The following FKBP1A variants were observed in gnomAD, a reference collection of about 807,000 sequenced individuals.
The protein encoded by FKBP1A is FKBP prolyl isomerase 1A, also known as peptidyl-prolyl cis-trans isomerase FKBP1A.
A neutral mutation model predicts 14.2 loss-of-function variants in FKBP1A; 5 were observed. The observed-to-expected ratio is 0.35, with a 90% CI of 0.18 to 0.74. The LOEUF (loss-of-function observed/expected upper bound fraction) is 0.74, where lower values mean the gene tolerates loss of function less well. FKBP1A is among the 30% of genes least tolerant of loss of function. The probability of loss-of-function intolerance (pLI) is 0.56; values close to 1 mark genes in which losing one functional copy is unlikely to be tolerated. For missense variants in FKBP1A, 53 were observed against 138.8 expected, an observed-to-expected ratio of 0.38 and a Z score of 3.10; for synonymous variants, 42 against 49.1, an observed-to-expected ratio of 0.86 and a Z score of 0.60.
intron 2 of FKBP1A, chr20:1,391,691 C>T: frequency 2.5e-6 from 1 of 398,198 alleles, no homozygotes. Context: ...GGAGCTTATT[C>T]GTGAGCAACT....
chr20:1,375,664 C>T, intron 2 of FKBP1A, 61 bp from the exon 3 acceptor site: 1 of 1,199,478 alleles, frequency 8.3e-7, no homozygotes. Flanking sequence ...AGTCAGAAAC[C>T]AGCAGCAGAG....
intron 2 of FKBP1A, 42 bp downstream of exon 2, chr20:1,392,792 G>A (rs778696019): frequency 3.4e-5 from 50 of 1,449,440 alleles, no homozygotes; most frequent in Non-Finnish European, 1.8e-6. Context: ...CCGGGCTGCG[G>A]ACTGCGGCCC....
chr20:1,392,113 G>A (rs2089744896), intron 2 of FKBP1A, among the ~76,000 whole-genome samples: 1 of 152,216 alleles, frequency 6.6e-6, no homozygotes. Context: ...GACGAGAAAA[G>A]TCTCTACTTC....
At chr20:1,370,425 C>T (rs764089904) in intron 4 of FKBP1A, 27 of 974,590 alleles carry the variant, frequency 2.8e-5, no homozygotes, top group Middle Eastern at 5.2e-4. Flanking sequence ...CTTTAAAAAA[C>T]TCTTAATGCC....
chr20:1,374,446 T>C (rs191855177), intron 3 of FKBP1A: 1 of 152,274 alleles, frequency 6.6e-6, no homozygotes, highest in African/African-American at 2.4e-5. Flanking sequence ...AAATACAAAT[T>C]AAAACCACTG....
intron 2 of FKBP1A, among the ~76,000 whole-genome samples, chr20:1,391,232 G>T (rs1270341502): frequency 3.9e-5 from 6 of 152,080 alleles, no homozygotes; most frequent in Admixed American, 2.0e-4. Flanking sequence ...CTCACGGCTT[G>T]AGTCCCAATC....
chr20:1,374,643 C>T (rs2089513595), intron 3 of FKBP1A: 1 of 152,174 alleles, frequency 6.6e-6, no homozygotes, highest in Admixed American at 6.5e-5. Flanking sequence ...CATCCCACTT[C>T]TGAGAGTAAG....
At chr20:1,370,918 A>G (rs2089455389) in intron 4 of FKBP1A, 2 of 985,508 alleles carry the variant, frequency 2.0e-6, no homozygotes, top group African/African-American at 3.5e-5. Context: ...ATTCCCTCCC[A>G]GTAGCAATGA....
At chr20:1,370,594 TCATTCATTCACTCAACTTA>T in intron 4 of FKBP1A, 1 of 985,386 alleles carries the variant, frequency 1.0e-6, no homozygotes, top group Non-Finnish European at 1.2e-6. Context: ...TCTCCAGTAT[TCATTCATTCACTCAACTTA>T]AAACTTTCTG....
rs375283376 is a variant in FKBP1A, at chr20:1,370,006, A to G, written c.*103T>C. 5.2e-6 allele frequency: 8 copies of G among 1,549,672 alleles called. No individual in the cohort carries two copies. In the African/African-American group the frequency reaches 1.1e-4, roughly 21 times the overall value. On this transcript the variant is annotated 3_prime_UTR_variant, in exon 5 of 5. Coordinates refer to ENST00000400137, the MANE Select transcript of FKBP1A (RefSeq NM_000801.5). ...ATGTCTATACAAAGTGGAGTGGAAC[A>G]TCAGGAAAAGCTCCATATGGATTCA... is the stretch of plus-strand genomic sequence containing the variant.
At chr20:1,384,425 T>A (rs2089648951) in intron 2 of FKBP1A, among the ~76,000 whole-genome samples, 1 of 152,192 alleles carries the variant, frequency 6.6e-6, no homozygotes, top group Non-Finnish European at 1.5e-5. Flanking sequence ...ACAATACTCT[T>A]TGCTCTACTT....
At chr20:1,376,926 C>T (rs564913525) in intron 2 of FKBP1A, 2 of 152,160 alleles carry the variant, frequency 1.3e-5, no homozygotes, top group African/African-American at 4.8e-5. Flanking sequence ...ACACCATCGG[C>T]ATTGCTTTCT....
At chr20:1,371,240 A>C in intron 4 of FKBP1A, 1 of 979,188 alleles carries the variant, frequency 1.0e-6, no homozygotes. Flanking sequence ...CACTTACATG[A>C]AAAGTTACGT....
chr20:1,380,076 A>C (rs1050444846), intron 2 of FKBP1A, among the ~76,000 whole-genome samples: 2 of 152,178 alleles, frequency 1.3e-5, no homozygotes, highest in Admixed American at 1.3e-4. Context: ...CCAACCAACC[A>C]ACCCCTTCCT....
chr20:1,385,616 T>TC (rs1381424896), intron 2 of FKBP1A, among the ~76,000 whole-genome samples: 2 of 151,810 alleles, frequency 1.3e-5, no homozygotes, highest in African/African-American at 4.8e-5. Flanking sequence ...CTCCTGTGAC[T>TC]CCCCCATCTC....
chr20:1,371,142 T>C, intron 4 of FKBP1A: 1 of 985,470 alleles, frequency 1.0e-6, no homozygotes, highest in Middle Eastern at 5.2e-4. Context: ...TGTGACCCTC[T>C]GGTTCCTATG....
At chr20:1,375,432 A>T in intron 3 of FKBP1A, 59 bp downstream of exon 3, 1 of 1,253,684 alleles carries the variant, frequency 8.0e-7, no homozygotes, top group Non-Finnish European at 1.2e-6. Flanking sequence ...TATGCCACCT[A>T]TAAAAAAATA....
chr20:1,375,626 A>G (rs751799003), intron 2 of FKBP1A, 23 bp from the exon 3 acceptor site: 2 of 1,507,348 alleles, frequency 1.3e-6, no homozygotes, highest in South Asian at 2.2e-5. Flanking sequence ...CGACTGTAAC[A>G]TGAGCAGCAG....
chr20:1,385,369 G>A (rs1256958548), intron 2 of FKBP1A, among the ~76,000 whole-genome samples: 4 of 152,266 alleles, frequency 2.6e-5, no homozygotes, highest in Admixed American at 6.5e-5. Flanking sequence ...CAGCCTGGGC[G>A]ACAGAGTGAG....
Sources: gnomAD v4.1 joint callset for allele counts (sites outside exome capture counted in the v4.1 genomes callset) on GRCh38, gnomAD v4.1.1 for gene constraint, MANE v1.5 for transcripts, NCBI Gene and HGNC (gene_info 2026-07-23, HGNC 2026-07-21) for gene names.